Variants in BTBD8 observed in about 807,000 individuals in gnomAD.
The protein encoded by BTBD8 is BTB domain containing 8.
A neutral mutation model predicts 162.9 loss-of-function variants in BTBD8; 110 were observed. The ratio of observed to expected loss-of-function variants is 0.68; its 90% CI spans 0.58 to 0.79. BTBD8 has a LOEUF of 0.79. BTBD8 is among the 30% of genes least tolerant of loss of function. BTBD8 has a pLI of 0.00. For missense variants in BTBD8, 1,905 were observed against 2,085.4 expected, an observed-to-expected ratio of 0.91 and a Z score of 1.68; for synonymous variants, 667 against 716.1, an observed-to-expected ratio of 0.93 and a Z score of 1.10.
intron 7 of BTBD8, among the ~76,000 whole-genome samples, chr1:92,145,216 C>T (rs1299822307): frequency 2.6e-5 from 4 of 152,130 alleles, no homozygotes; most frequent in Admixed American, 6.5e-5. Flanking sequence ...CACCTTGCCT[C>T]GACATCCCAA....
intron 4 of BTBD8, among the ~76,000 whole-genome samples, chr1:92,119,560 G>T (rs1398479398): frequency 6.6e-6 from 1 of 151,768 alleles, no homozygotes; most frequent in Non-Finnish European, 1.5e-5. Context: ...TGCTAGGATT[G>T]CAGGTGTGAG....
At chr1:92,096,934 T>G (rs1199096209) in intron 2 of BTBD8, among the ~76,000 whole-genome samples, 3 of 152,222 alleles carry the variant, frequency 2.0e-5, no homozygotes, top group Non-Finnish European at 4.4e-5. Context: ...TTCCTCTTCA[T>G]TCTCACTTTT....
intron 5 of BTBD8, among the ~76,000 whole-genome samples, chr1:92,135,754 A>G (rs1299274096): frequency 2.0e-5 from 3 of 152,220 alleles, no homozygotes; most frequent in African/African-American, 7.2e-5. Context: ...ATATTGATAT[A>G]TAGGTTCAAA....
intron 3 of BTBD8, among the ~76,000 whole-genome samples, chr1:92,103,184 T>TG (rs1648642775): frequency 6.6e-6 from 1 of 152,220 alleles, no homozygotes; most frequent in South Asian, 2.1e-4. Flanking sequence ...TGCAAATTGA[T>TG]GGAACTCATT....
At chr1:92,123,341 A>G (rs1160538866) in intron 4 of BTBD8, among the ~76,000 whole-genome samples, 1 of 152,124 alleles carries the variant, frequency 6.6e-6, no homozygotes, top group Non-Finnish European at 1.5e-5. Context: ...GGTCCTTTGC[A>G]TTTTCGTAGA....
rs190989860 is a variant in BTBD8, at chr1:92,130,231, C to T, written c.752+455C>T. Among the ~76,000 whole-genome samples the T allele has an allele frequency of 3.9e-5, 6 of 152,196 alleles. No individual in the cohort carries two copies. In the South Asian group the frequency reaches 8.3e-4, roughly 21 times the overall value. On this transcript the variant is annotated intron_variant, in intron 5 of 17. Transcript: ENST00000636805. ...CTATCAGATCAAGGACCCATGTGAC[C>T]TCATTTAACCTTAATTACTTTCTCA...
At chr1:92,174,938 C>G (rs1650664603) in intron 13 of BTBD8, among the ~76,000 whole-genome samples, 1 of 152,082 alleles carries the variant, frequency 6.6e-6, no homozygotes, top group African/African-American at 2.4e-5. Context: ...TTATCTTTGA[C>G]AGCTTTTAAT....
chr1:92,163,578 AT>A (rs78123732), intron 9 of BTBD8, among the ~76,000 whole-genome samples: 191 of 144,770 alleles, frequency 1.3e-3, no homozygotes, highest in Admixed American at 1.2e-3. Flanking sequence ...ACATTTGAAA[AT>A]TTTTTTTTTT....
intron 3 of BTBD8, among the ~76,000 whole-genome samples, chr1:92,106,764 T>C (rs1481814786): frequency 6.9e-6 from 1 of 144,686 alleles, no homozygotes; most frequent in Non-Finnish European, 1.5e-5. Context: ...GCAAGATAGA[T>C]AGTTCAACAG....
chr1:92,131,932 A>T (rs1030299475), intron 5 of BTBD8, among the ~76,000 whole-genome samples: 1 of 151,930 alleles, frequency 6.6e-6, no homozygotes, highest in Admixed American at 6.6e-5. Flanking sequence ...CCAGTCTCAA[A>T]CTCTTGATCT....
At position 92,166,984 on chromosome 1, in the gene BTBD8, G is replaced by A; in HGVS notation, c.1149G>A (p.Leu383=). 6.5e-7 allele frequency: 1 copy of A among 1,547,900 alleles called. No homozygotes were observed. The highest frequency in any genetic ancestry group is 8.7e-7 in the Non-Finnish European group (1 of 1,145,594). ...ATGATAAGAATGCTGCTTTTCTTCT[G>A]ATGGAAAGTGACAGGCTAATCATCA... The part of the protein sequence containing the change: ...SLNDKNAAFL[L]MESDRLIISL... Residue 383 remains leucine (L), a synonymous_variant, in exon 10 of 18, where the codon CTG becomes CTA. Coordinates refer to ENST00000636805, the MANE Select transcript of BTBD8 (RefSeq NM_001376131.1).
chr1:92,096,458 C>G (rs1648453657), intron 2 of BTBD8, among the ~76,000 whole-genome samples: 1 of 152,164 alleles, frequency 6.6e-6, no homozygotes. Context: ...TGCATTCACA[C>G]AGCTGAATGT....
At chr1:92,147,653 T>C in intron 8 of BTBD8, 31 bp from the exon 9 acceptor site, 1 of 1,535,688 alleles carries the variant, frequency 6.5e-7, no homozygotes, top group Non-Finnish European at 8.9e-7. Flanking sequence ...CATCTTAATT[T>C]CTTTAACGTG....
intron 16 of BTBD8, 82 bp downstream of exon 16, chr1:92,178,533 G>A: frequency 3.5e-6 from 4 of 1,127,016 alleles, no homozygotes; most frequent in Middle Eastern, 2.0e-4. Flanking sequence ...TGCAACTTCA[G>A]TAGCAAATAA....
Position 92,184,364 on chromosome 1 carries a change from T to C in BTBD8, c.*34T>C. The C allele has an allele frequency of 7.2e-7, 1 of 1,383,716 alleles. No individual in the cohort carries two copies. The highest frequency in any genetic ancestry group is 9.8e-7 in the Non-Finnish European group (1 of 1,021,962). 85.7% of individuals were successfully genotyped at this position (1,383,716 alleles called of 1,614,324 possible). On this transcript the variant is annotated 3_prime_UTR_variant, in exon 18 of 18. Coordinates refer to ENST00000636805, the MANE Select transcript of BTBD8 (RefSeq NM_001376131.1). ...ATTTTGGAAAAATTTATGCCACTCCTTTATTTTTTGATGCCTATATTATAT... is the reference window on the plus strand; with the variant it reads ...ATTTTGGAAAAATTTATGCCACTCCCTTATTTTTTGATGCCTATATTATAT...
rs750354533 is a variant in BTBD8, at chr1:92,181,379, G to A, written c.3696G>A (p.Val1232=). Residue 1232 remains valine, a synonymous_variant, in exon 17 of 18, where the codon GTG becomes GTA. Transcript: ENST00000636805. ...ATGAAACTCCAGAAACTCCATTTGTGGGTCACTGGAATTTGAGTACTGGTG... is the reference window on the plus strand; with the variant it reads ...ATGAAACTCCAGAAACTCCATTTGTAGGTCACTGGAATTTGAGTACTGGTG... ...ESHETPETPF[V]GHWNLSTGVL... 1.4e-5 allele frequency: 22 copies of A among 1,551,508 alleles called. No homozygotes were observed. The highest frequency in any genetic ancestry group is 1.7e-5 in the Non-Finnish European group (19 of 1,146,974).
In BTBD8 at chr1:92,181,959, C is replaced by T. The variant is rs368034344; in HGVS notation, c.4276C>T (p.Arg1426Cys). ...TGAAGATGCAACTGAAAATGAATGTCGTGAATTTTCTGCAACTAAAAAGTT... is the reference window on the plus strand; with the variant it reads ...TGAAGATGCAACTGAAAATGAATGTTGTGAATTTTCTGCAACTAAAAAGTT... ...AFEDATENEC[R>C]EFSATKKFKR... Residue 1426 changes from arginine to cysteine, a missense_variant, in exon 17 of 18, where the codon CGT becomes TGT. By Grantham distance (180) the Arg-to-Cys change is radical. This residue lies in a region of BTBD8 where 517 missense variants were observed against 606.6 expected (regional missense o/e 0.85). Coordinates refer to ENST00000636805, the MANE Select transcript of BTBD8 (RefSeq NM_001376131.1). 5.2e-5 allele frequency: 81 copies of T among 1,551,512 alleles called. No individual in the cohort carries two copies. The highest frequency in any genetic ancestry group is 1.1e-4 in the African/African-American group (8 of 73,148).
intron 9 of BTBD8, among the ~76,000 whole-genome samples, chr1:92,153,596 G>A (rs551258101): frequency 6.6e-6 from 1 of 152,266 alleles, no homozygotes; most frequent in South Asian, 2.1e-4. Flanking sequence ...TGTAATGGAA[G>A]CATACAGTAT....
chr1:92,115,094 A>G (rs1648998646), intron 4 of BTBD8: 1 of 428,102 alleles, frequency 2.3e-6, no homozygotes, highest in Non-Finnish European at 4.5e-6. Flanking sequence ...ACATGTTGGC[A>G]GTGGGGACAT....
Sources: gnomAD v4.1 joint callset for allele counts (sites outside exome capture counted in the v4.1 genomes callset) on GRCh38, gnomAD v4.1.1 for gene constraint, gnomAD v4.1.1 regional missense constraint, MANE v1.5 for transcripts, NCBI Gene and HGNC (gene_info 2026-07-23, HGNC 2026-07-21) for gene names.